ZFAND6: variants seen among roughly 807,000 people sequenced by gnomAD.
ZFAND6 encodes zinc finger AN1-type containing 6.
Under a neutral mutation model 24.5 loss-of-function variants are expected in ZFAND6, and 12 were observed. The observed-to-expected ratio is 0.49, with a 90% CI of 0.31 to 0.79. ZFAND6 has a LOEUF of 0.79. ZFAND6 is among the 30% of genes least tolerant of loss of function. The probability of loss-of-function intolerance (pLI) is 0.04; values close to 1 mark genes in which losing one functional copy is unlikely to be tolerated. For synonymous variants in ZFAND6, 92 were observed against 81.5 expected (o/e 1.13, Z -0.69); for missense variants, 207 against 245.9 (o/e 0.84, Z 1.06).
At chr15:80,102,952 C>G (rs1024055850) in intron 2 of ZFAND6, among the ~76,000 whole-genome samples, 7 of 152,180 alleles carry the variant, frequency 4.6e-5, no homozygotes, top group Non-Finnish European at 7.3e-5. Flanking sequence ...AATTGAATTG[C>G]AAGTATATAG....
chr15:80,088,535 C>T (rs1450114946), intron 1 of ZFAND6, among the ~76,000 whole-genome samples: 1 of 152,188 alleles, frequency 6.6e-6, no homozygotes, highest in African/African-American at 2.4e-5. Context: ...CACTGCACTC[C>T]AGCCTGGGCG....
At chr15:80,091,947 A>G (rs1317381949) in intron 1 of ZFAND6, among the ~76,000 whole-genome samples, 3 of 152,168 alleles carry the variant, frequency 2.0e-5, no homozygotes, top group South Asian at 4.1e-4. Context: ...GCCAATCCAT[A>G]TATTTAATAT....
chr15:80,094,782 T>A (rs1382988931), intron 1 of ZFAND6, among the ~76,000 whole-genome samples: 3 of 151,200 alleles, frequency 2.0e-5, no homozygotes, highest in African/African-American at 7.3e-5. Context: ...TTCCCATTAA[T>A]GTTTTTTTTC....
chr15:80,076,970 G>T (rs1229534097), intron 1 of ZFAND6, among the ~76,000 whole-genome samples: 1 of 151,940 alleles, frequency 6.6e-6, no homozygotes, highest in Non-Finnish European at 1.5e-5. Flanking sequence ...AAACATTTTA[G>T]CATCCCCAGG....
At chr15:80,090,334 G>A (rs898808421) in intron 1 of ZFAND6, among the ~76,000 whole-genome samples, 5 of 152,156 alleles carry the variant, frequency 3.3e-5, no homozygotes, top group African/African-American at 1.2e-4. Flanking sequence ...AGGTGCTTGA[G>A]CTTTGGAGTC....
intron 2 of ZFAND6, among the ~76,000 whole-genome samples, chr15:80,104,137 T>C (rs1246422814): frequency 6.6e-6 from 1 of 152,004 alleles, no homozygotes; most frequent in African/African-American, 2.4e-5. Context: ...CCACCGCCCC[T>C]GGCCGGATTT....
intron 2 of ZFAND6, among the ~76,000 whole-genome samples, chr15:80,110,143 C>G (rs2039534175): frequency 6.6e-6 from 1 of 152,106 alleles, no homozygotes; most frequent in African/African-American, 2.4e-5. Context: ...CTCTTATGCC[C>G]TAGACTTGGA....
At chr15:80,068,186 C>T (rs1567048566) in intron 1 of ZFAND6, among the ~76,000 whole-genome samples, 1 of 149,046 alleles carries the variant, frequency 6.7e-6, no homozygotes, top group South Asian at 2.1e-4. Flanking sequence ...TTGCCTTTGT[C>T]GCCCAGGATG....
chr15:80,106,556 C>G (rs10851925), intron 2 of ZFAND6, among the ~76,000 whole-genome samples: 1 of 150,886 alleles, frequency 6.6e-6, no homozygotes, highest in Non-Finnish European at 1.5e-5. Flanking sequence ...TCTGAAAAAA[C>G]CAAATAATTT....
chr15:80,083,234 G>A (rs146510300), intron 1 of ZFAND6, among the ~76,000 whole-genome samples: 1,926 of 152,164 alleles, frequency 0.013, 35 homozygotes, highest in African/African-American at 0.044. Context: ...CTCGTGATCC[G>A]CCCGCTTCGG....
At chr15:80,065,273 A>AT in intron 1 of ZFAND6, among the ~76,000 whole-genome samples, 1 of 151,602 alleles carries the variant, frequency 6.6e-6, no homozygotes, top group East Asian at 1.9e-4. Context: ...AAAAAAAAAA[A>AT]CAACTTGTTG....
intron 1 of ZFAND6, among the ~76,000 whole-genome samples, chr15:80,094,243 C>G (rs2038571387): frequency 6.6e-6 from 1 of 152,234 alleles, no homozygotes; most frequent in Non-Finnish European, 1.5e-5. Flanking sequence ...TGGTACTAGT[C>G]TGTGGCCTGT....
chr15:80,091,566 G>A (rs1217552471), intron 1 of ZFAND6, among the ~76,000 whole-genome samples: 1 of 152,094 alleles, frequency 6.6e-6, no homozygotes, highest in Non-Finnish European at 1.5e-5. Context: ...TTGCCAGTTT[G>A]CCATCGGTAT....
At chr15:80,062,032 TA>T (rs1324529786) in intron 1 of ZFAND6, among the ~76,000 whole-genome samples, 1 of 152,204 alleles carries the variant, frequency 6.6e-6, no homozygotes, top group Non-Finnish European at 1.5e-5. Context: ...AGTCACATTG[TA>T]AAAAGTCTGG....
upstream of ZFAND6, among the ~76,000 whole-genome samples, chr15:80,059,048 T>C (rs1166669558): frequency 6.6e-6 from 1 of 152,258 alleles, no homozygotes; most frequent in Non-Finnish European, 1.5e-5. Flanking sequence ...CCTGTGCATG[T>C]ATGTATTGCA....
intron 5 of ZFAND6, chr15:80,129,876 A>T (rs757052274): frequency 6.6e-6 from 1 of 152,270 alleles, no homozygotes; most frequent in Non-Finnish European, 1.5e-5. Context: ...AGTATTTTGT[A>T]TGGAAAGCAC....
At chr15:80,091,201 CAT>C (rs113872558) in intron 1 of ZFAND6, among the ~76,000 whole-genome samples, 10 of 151,602 alleles carry the variant, frequency 6.6e-5, no homozygotes, top group African/African-American at 2.4e-4. Flanking sequence ...CACACGTGCA[CAT>C]GTGTAGTTTC....
chr15:80,062,611 TG>T (rs1247001578), intron 1 of ZFAND6, among the ~76,000 whole-genome samples: 1 of 152,202 alleles, frequency 6.6e-6, no homozygotes, highest in African/African-American at 2.4e-5. Context: ...GGAGTAGAGA[TG>T]GTTTCATTTT....
intron 1 of ZFAND6, among the ~76,000 whole-genome samples, chr15:80,065,670 G>A (rs1002639886): frequency 1.0e-4 from 15 of 149,020 alleles, no homozygotes; most frequent in Admixed American, 6.1e-4. Context: ...TCAGCCTTCT[G>A]AGTAGTTGGG....
Sources: gnomAD v4.1 joint callset for allele counts (sites outside exome capture counted in the v4.1 genomes callset) on GRCh38, gnomAD v4.1.1 for gene constraint, MANE v1.5 for transcripts, NCBI Gene and HGNC (gene_info 2026-07-23, HGNC 2026-07-21) for gene names.